Variants in PRR16 observed in about 807,000 individuals in gnomAD.
PRR16 encodes protein Largen.
PRR16 carries 6 observed loss-of-function variants against 18.2 expected under a neutral mutation model. The ratio of observed to expected loss-of-function variants is 0.33; its 90% CI spans 0.18 to 0.65. The LOEUF is 0.65. Ranked by LOEUF, PRR16 falls within the 30% of genes least tolerant of loss-of-function variation. The pLI, the probability that PRR16 is intolerant of heterozygous loss-of-function variation, is 0.74. For synonymous variants in PRR16, 151 were observed against 147.8 expected (o/e 1.02, Z -0.16); for missense variants, 412 against 376.6 (o/e 1.09, Z -0.78).
chr5:120,503,153 C>T (rs1750523190), intron 1 of PRR16, among the ~76,000 whole-genome samples: 1 of 151,960 alleles, frequency 6.6e-6, no homozygotes, highest in Non-Finnish European at 1.5e-5. Flanking sequence ...AATATGAGTA[C>T]TGAACATTTT....
chr5:120,600,057 C>T (rs980739467), intron 1 of PRR16, among the ~76,000 whole-genome samples: 13 of 151,900 alleles, frequency 8.6e-5, no homozygotes, highest in Admixed American at 2.6e-4. Flanking sequence ...ACTTCTGAAG[C>T]ATAACACTTC....
intron 1 of PRR16, among the ~76,000 whole-genome samples, chr5:120,536,706 C>T (rs1289370358): frequency 6.6e-6 from 1 of 152,166 alleles, no homozygotes; most frequent in Non-Finnish European, 1.5e-5. Flanking sequence ...CTAGGATGAC[C>T]TATTGTCTGC....
At chr5:120,604,703 A>C (rs2085179) in intron 1 of PRR16, among the ~76,000 whole-genome samples, 24,060 of 152,106 alleles carry the variant, frequency 0.16, 2,422 homozygotes, top group African/African-American at 0.3. Context: ...ACTCTCCCTT[A>C]AGGACCTCTT....
intron 1 of PRR16, among the ~76,000 whole-genome samples, chr5:120,570,533 C>T (rs1415045769): frequency 6.6e-6 from 1 of 152,000 alleles, no homozygotes; most frequent in Non-Finnish European, 1.5e-5. Context: ...CATGCAAGTA[C>T]CCAGGATAAT....
At chr5:120,484,249 C>T (rs1022316626) in intron 1 of PRR16, among the ~76,000 whole-genome samples, 2 of 149,244 alleles carry the variant, frequency 1.3e-5, no homozygotes, top group Non-Finnish European at 3.0e-5. Flanking sequence ...AAATGATTAC[C>T]GACTCTAGTA....
At chr5:120,597,047 TA>T (rs35276612) in intron 1 of PRR16, among the ~76,000 whole-genome samples, 13,627 of 151,676 alleles carry the variant, frequency 0.09, 1,282 homozygotes, top group African/African-American at 0.25. Context: ...AAGGATTTTA[TA>T]TTTTTAATGT....
chr5:120,651,610 G>A (rs1388174752), intron 1 of PRR16, among the ~76,000 whole-genome samples: 1 of 152,046 alleles, frequency 6.6e-6, no homozygotes, highest in African/African-American at 2.4e-5. Context: ...TCTTGTTTTT[G>A]TCAGGTTTGT....
At chr5:120,710,282 C>T in the PRR16 span, among the ~76,000 whole-genome samples, 1 of 152,022 alleles carries the variant, frequency 6.6e-6, no homozygotes, top group Non-Finnish European at 1.5e-5. Context: ...CCGGCTGGTG[C>T]ATAGTACATA....
At chr5:120,714,993 G>A in the PRR16 span, among the ~76,000 whole-genome samples, 2 of 151,964 alleles carry the variant, frequency 1.3e-5, no homozygotes, top group African/African-American at 4.8e-5. Flanking sequence ...TGTTGGTGGT[G>A]GGGGGTGAGG....
At chr5:120,611,812 G>A (rs181895002) in intron 1 of PRR16, among the ~76,000 whole-genome samples, 1 of 152,320 alleles carries the variant, frequency 6.6e-6, no homozygotes, top group East Asian at 1.9e-4. Context: ...CTGGGGCAAT[G>A]CCTAGTGGAG....
At chr5:120,703,651 GC>G in the PRR16 span, among the ~76,000 whole-genome samples, 1 of 152,110 alleles carries the variant, frequency 6.6e-6, no homozygotes, top group Non-Finnish European at 1.5e-5. Flanking sequence ...TTTGTCTATT[GC>G]TTTTATTTAA....
chr5:120,499,139 C>T (rs982974276), intron 1 of PRR16, among the ~76,000 whole-genome samples: 8 of 150,022 alleles, frequency 5.3e-5, no homozygotes, highest in Admixed American at 1.3e-4. Flanking sequence ...GACGGAGTTC[C>T]GCTCTTGTTG....
chr5:120,781,101 C>T, the PRR16 span: 2 of 152,022 alleles, frequency 1.3e-5, no homozygotes, highest in African/African-American at 2.4e-5. Context: ...ATTATGTTAA[C>T]ATTTATTTCA....
intron 1 of PRR16, among the ~76,000 whole-genome samples, chr5:120,670,746 A>G (rs1237216127): frequency 6.6e-6 from 1 of 152,114 alleles, no homozygotes; most frequent in African/African-American, 2.4e-5. Flanking sequence ...TCATGGTTGA[A>G]CCAAACTTGG....
chr5:120,470,275 C>T (rs898110787), intron 1 of PRR16, among the ~76,000 whole-genome samples: 3 of 151,634 alleles, frequency 2.0e-5, no homozygotes, highest in African/African-American at 7.3e-5. Flanking sequence ...CAACAAAGGG[C>T]ACTATTAAAA....
intron 1 of PRR16, among the ~76,000 whole-genome samples, chr5:120,560,879 A>T (rs1329951078): frequency 6.6e-6 from 1 of 151,988 alleles, no homozygotes; most frequent in Admixed American, 6.6e-5. Context: ...CTAGGAATTT[A>T]TCCATTTTCT....
chr5:120,471,222 GT>G (rs1359531171), intron 1 of PRR16, among the ~76,000 whole-genome samples: 8 of 152,110 alleles, frequency 5.3e-5, no homozygotes, highest in Admixed American at 5.2e-4. Context: ...AAGATGTGCT[GT>G]GATTAATTAC....
At chr5:120,671,868 A>G (rs564232432) in intron 1 of PRR16, among the ~76,000 whole-genome samples, 1 of 152,330 alleles carries the variant, frequency 6.6e-6, no homozygotes, top group Admixed American at 6.5e-5. Context: ...TAACTTATTT[A>G]CCACCCAGAT....
At chr5:120,631,339 A>G (rs1217917430) in intron 1 of PRR16, among the ~76,000 whole-genome samples, 7 of 152,174 alleles carry the variant, frequency 4.6e-5, no homozygotes, top group African/African-American at 1.7e-4. Flanking sequence ...GAGAATCAAC[A>G]GACCTTTTGA....
Sources: gnomAD v4.1 joint callset for allele counts (sites outside exome capture counted in the v4.1 genomes callset) on GRCh38, gnomAD v4.1.1 for gene constraint, MANE v1.5 for transcripts, NCBI Gene and HGNC (gene_info 2026-07-23, HGNC 2026-07-21) for gene names.